Variants in SEM1 observed in about 807,000 individuals in gnomAD.
SEM1 encodes 26S proteasome complex subunit SEM1.
In SEM1, 3 loss-of-function variants were observed where a neutral mutation model predicts 12.7. The observed-to-expected ratio is 0.24, with a 90% CI of 0.11 to 0.61. SEM1 has a LOEUF of 0.61. SEM1 is among the 20% of genes least tolerant of loss of function. The pLI, the probability that SEM1 is intolerant of heterozygous loss-of-function variation, is 0.88. For synonymous variants in SEM1, 30 were observed against 27.8 expected, an observed-to-expected ratio of 1.08 and a Z score of -0.25; for missense variants, 59 against 81.3, an observed-to-expected ratio of 0.73 and a Z score of 1.06.
At chr7:96,689,820 T>G (rs1243518451) in intron 2 of SEM1, among the ~76,000 whole-genome samples, 2 of 152,192 alleles carry the variant, frequency 1.3e-5, no homozygotes, top group East Asian at 3.8e-4. Context: ...GTATAAACCC[T>G]GGATTAGGAG....
downstream of SEM1, among the ~76,000 whole-genome samples, chr7:96,671,878 G>A (rs1378594133): frequency 6.6e-6 from 1 of 152,224 alleles, no homozygotes; most frequent in African/African-American, 2.4e-5. Flanking sequence ...TAGATTCACA[G>A]TGTAAACAGT....
intron 2 of SEM1, among the ~76,000 whole-genome samples, chr7:96,585,510 C>T (rs1488466621): frequency 6.6e-6 from 1 of 152,248 alleles, no homozygotes; most frequent in Non-Finnish European, 1.5e-5. Flanking sequence ...TGGAACTTGC[C>T]AGCTGCTTTG....
At chr7:96,608,361 G>A (rs1389882744) in intron 2 of SEM1, among the ~76,000 whole-genome samples, 1 of 152,088 alleles carries the variant, frequency 6.6e-6, no homozygotes, top group Non-Finnish European at 1.5e-5. Flanking sequence ...TTGGCACAAG[G>A]CACTACTTCC....
chr7:96,585,307 A>C (rs1229141000), intron 2 of SEM1, among the ~76,000 whole-genome samples: 2 of 152,212 alleles, frequency 1.3e-5, no homozygotes, highest in Non-Finnish European at 2.9e-5. Context: ...GGACCCATTG[A>C]GGAGGCAGTC....
At chr7:96,515,018 C>T (rs924097574) in intron 2 of SEM1, among the ~76,000 whole-genome samples, 2 of 151,986 alleles carry the variant, frequency 1.3e-5, no homozygotes, top group African/African-American at 4.8e-5. Flanking sequence ...GTAATCAAGA[C>T]ACTATGGTAT....
chr7:96,703,943 A>C (rs1790354131), intron 1 of SEM1, among the ~76,000 whole-genome samples: 1 of 151,152 alleles, frequency 6.6e-6, no homozygotes. Flanking sequence ...TGGGTGACAG[A>C]GCACCAGAGC....
At chr7:96,497,718 G>T (rs996655379), upstream of SEM1, among the ~76,000 whole-genome samples, 2 of 152,154 alleles carry the variant, frequency 1.3e-5, no homozygotes, top group African/African-American at 4.8e-5. Context: ...TTAGACATTG[G>T]ACAGTAGAGA....
intron 2 of SEM1, among the ~76,000 whole-genome samples, chr7:96,595,234 C>G (rs985869244): frequency 6.6e-6 from 1 of 151,808 alleles, no homozygotes; most frequent in East Asian, 1.9e-4. Context: ...ATAGTTAGGC[C>G]GGGCACAGGG....
downstream of SEM1, among the ~76,000 whole-genome samples, chr7:96,684,531 G>A (rs1789706678): frequency 4.6e-5 from 7 of 152,064 alleles, no homozygotes; most frequent in Admixed American, 3.3e-4. Flanking sequence ...GAATGGAAAA[G>A]GCAAGCACTG....
intron 3 of SEM1, among the ~76,000 whole-genome samples, chr7:96,506,231 C>A (rs78555193): frequency 2.6e-5 from 4 of 152,064 alleles, no homozygotes; most frequent in African/African-American, 9.6e-5. Context: ...GCCACTTCTC[C>A]GAAGACCTCT....
At chr7:96,635,140 A>C (rs1359725559) in intron 2 of SEM1, among the ~76,000 whole-genome samples, 1 of 152,128 alleles carries the variant, frequency 6.6e-6, no homozygotes, top group Non-Finnish European at 1.5e-5. Context: ...AAAAAGATTG[A>C]ATTGGGACAC....
At chr7:96,505,701 C>T (rs942880796) in intron 3 of SEM1, among the ~76,000 whole-genome samples, 1 of 151,980 alleles carries the variant, frequency 6.6e-6, no homozygotes, top group African/African-American at 2.4e-5. Flanking sequence ...CAATGTTTGG[C>T]GAGGGTCCAC....
intron 2 of SEM1, among the ~76,000 whole-genome samples, chr7:96,606,213 T>C (rs1807373363): frequency 6.6e-6 from 1 of 152,238 alleles, no homozygotes; most frequent in African/African-American, 2.4e-5. Context: ...GGTTCAAAAC[T>C]GTCTGCATTT....
At chr7:96,619,492 G>A (rs1807823091), downstream of SEM1, among the ~76,000 whole-genome samples, 1 of 152,122 alleles carries the variant, frequency 6.6e-6, no homozygotes. Context: ...CAGCAGCGGG[G>A]TGAGTGTGCC....
At chr7:96,673,026 A>AAATT (rs1554432583), downstream of SEM1, 20 of 25,360 alleles carry the variant, frequency 7.9e-4, no homozygotes, top group South Asian at 0.014. Flanking sequence ...ATAGTATATA[A>AAATT]AATTAATTGT....
intron 2 of SEM1, among the ~76,000 whole-genome samples, chr7:96,543,935 G>C (rs1805028732): frequency 6.6e-6 from 1 of 152,006 alleles, no homozygotes; most frequent in Non-Finnish European, 1.5e-5. Flanking sequence ...CCCATGCTTG[G>C]CTTAGTGCTC....
At chr7:96,619,171 A>G (rs1348494195), downstream of SEM1, among the ~76,000 whole-genome samples, 2 of 152,066 alleles carry the variant, frequency 1.3e-5, no homozygotes, top group East Asian at 1.9e-4. Flanking sequence ...CTGCTTTTTC[A>G]TATTTCCTGT....
intron 2 of SEM1, among the ~76,000 whole-genome samples, chr7:96,626,820 C>T (rs1808085770): frequency 6.6e-6 from 1 of 151,946 alleles, no homozygotes; most frequent in African/African-American, 2.4e-5. Context: ...TGGAAGTATT[C>T]CCTTCTCTTC....
At chr7:96,598,040 A>G (rs1807061123) in intron 2 of SEM1, among the ~76,000 whole-genome samples, 1 of 152,108 alleles carries the variant, frequency 6.6e-6, no homozygotes, top group African/African-American at 2.4e-5. Flanking sequence ...TAGCTGCATA[A>G]TTTCTTGTTT....
Sources: gnomAD v4.1 joint callset for allele counts (sites outside exome capture counted in the v4.1 genomes callset) on GRCh38, gnomAD v4.1.1 for gene constraint, MANE v1.5 for transcripts, NCBI Gene and HGNC (gene_info 2026-07-23, HGNC 2026-07-21) for gene names.